Variants in PHYHIPL observed in about 807,000 individuals in gnomAD.
PHYHIPL encodes the protein phytanoyl-CoA hydroxylase-interacting protein-like.
Under a neutral mutation model 33.4 loss-of-function variants are expected in PHYHIPL, and 9 were observed. The ratio of observed to expected loss-of-function variants is 0.27; its 90% CI spans 0.16 to 0.47. The LOEUF is 0.47. PHYHIPL is among the 20% of genes least tolerant of loss of function. The pLI is 0.99. For missense variants in PHYHIPL, 365 were observed against 460.7 expected (o/e 0.79, Z 1.90); for synonymous variants, 153 against 154.1 (o/e 0.99, Z 0.05).
intron 1 of PHYHIPL, among the ~76,000 whole-genome samples, chr10:59,214,513 T>A (rs765475504): frequency 1.1e-4 from 16 of 152,186 alleles, no homozygotes; most frequent in African/African-American, 3.8e-4. Context: ...TTGGCGGTTA[T>A]GTTGATGGTG....
chr10:59,177,633 G>A (rs375918644), intron 1 of PHYHIPL: 42 of 1,551,478 alleles, frequency 2.7e-5, no homozygotes, highest in Admixed American at 5.9e-5. Flanking sequence ...GTACCATTGC[G>A]TGTTGATATT....
chr10:59,189,368 T>C (rs1838714448), intron 1 of PHYHIPL, among the ~76,000 whole-genome samples: 1 of 152,100 alleles, frequency 6.6e-6, no homozygotes, highest in Non-Finnish European at 1.5e-5. Context: ...AATTTTTATA[T>C]TTAATTTCAT....
intron 1 of PHYHIPL, among the ~76,000 whole-genome samples, chr10:59,183,015 A>G (rs1838453270): frequency 6.6e-6 from 1 of 152,300 alleles, no homozygotes; most frequent in South Asian, 2.1e-4. Context: ...TGTCCTAAGC[A>G]CTTTTCTAGA....
rs531418232 is a variant in PHYHIPL at position 59,203,601 on chromosome 10, G to A, written c.106+26642G>A. Among the ~76,000 whole-genome samples, 44 of 152,208 alleles carry A rather than the reference G, an allele frequency of 2.9e-4. No homozygotes were observed. In the East Asian group the frequency reaches 7.7e-3, roughly 27 times the overall value. On this transcript the variant is annotated intron_variant, in intron 1 of 4. Coordinates refer to ENST00000373880, the MANE Select transcript of PHYHIPL (RefSeq NM_032439.4). ...ACTATGCAGCCATAAAAAATGATGA[G>A]TTCATGTCCTTTGTAGGGACATGGA... is the stretch of plus-strand genomic sequence containing the variant.
At chr10:59,224,601 T>C (rs1183904707) in intron 1 of PHYHIPL, among the ~76,000 whole-genome samples, 1 of 152,168 alleles carries the variant, frequency 6.6e-6, no homozygotes. Flanking sequence ...ATAGAGAAGT[T>C]TTCATTGGCC....
At position 59,245,299 on chromosome 10, in the gene PHYHIPL, A is replaced by G; in HGVS notation, c.839A>G (p.Tyr280Cys). Residue 280 changes from tyrosine to cysteine, a missense_variant, in exon 5 of 5, where the codon TAT (tyrosine) becomes TGT (cysteine). By Grantham distance (194) the Tyr-to-Cys change is radical. Transcript: ENST00000373880. Reference protein sequence around the residue: ...DFYCMYTAYHYVILVIAPVGS... With the variant: ...DFYCMYTAYHCVILVIAPVGS... ...TACTGTATGTACACTGCTTATCATT[A>G]TGTGATTCTTGTTATTGCTCCTGTG... The G allele has an allele frequency of 6.2e-7, 1 of 1,614,186 alleles. No individual in the cohort carries two copies. Among genetic ancestry groups the G allele is most frequent in the Non-Finnish European group, 8.5e-7 (1 of 1,180,024 alleles).
At chr10:59,182,374 G>A (rs188770336) in intron 1 of PHYHIPL, among the ~76,000 whole-genome samples, 1 of 151,786 alleles carries the variant, frequency 6.6e-6, no homozygotes, top group South Asian at 2.1e-4. Flanking sequence ...ACGGAGTTTC[G>A]CTCTTTCACC....
At chr10:59,187,885 T>C (rs564344685) in intron 1 of PHYHIPL, among the ~76,000 whole-genome samples, 1 of 152,346 alleles carries the variant, frequency 6.6e-6, no homozygotes, top group South Asian at 2.1e-4. Context: ...GCTAGCGGTC[T>C]ATCCATTTTG....
At chr10:59,231,409 C>T (rs544978495) in intron 1 of PHYHIPL, among the ~76,000 whole-genome samples, 2 of 152,076 alleles carry the variant, frequency 1.3e-5, no homozygotes, top group East Asian at 3.9e-4. Flanking sequence ...AGAAGCTATG[C>T]AAAGCAAATA....
At chr10:59,193,060 C>T (rs1249146514) in intron 1 of PHYHIPL, among the ~76,000 whole-genome samples, 2 of 152,068 alleles carry the variant, frequency 1.3e-5, no homozygotes, top group Non-Finnish European at 2.9e-5. Context: ...AAGTGTTCTT[C>T]CTTCATCTTC....
chr10:59,231,654 T>C (rs778908517), intron 1 of PHYHIPL, among the ~76,000 whole-genome samples: 2 of 152,072 alleles, frequency 1.3e-5, no homozygotes, highest in African/African-American at 2.4e-5. Context: ...GTACTTTCAG[T>C]CCGAGACAGC....
chr10:59,206,850 T>G (rs1839296450), intron 1 of PHYHIPL: 1 of 1,131,866 alleles, frequency 8.8e-7, no homozygotes. Flanking sequence ...TAACTGTAAG[T>G]GCACTTCATC....
chr10:59,231,863 A>C (rs1840089698), intron 1 of PHYHIPL, among the ~76,000 whole-genome samples: 1 of 152,084 alleles, frequency 6.6e-6, no homozygotes, highest in African/African-American at 2.4e-5. Flanking sequence ...AATTACAGAC[A>C]ACACTTCGAT....
intron 2 of PHYHIPL, 23 bp downstream of exon 2, chr10:59,234,523 G>A: frequency 6.8e-7 from 1 of 1,472,572 alleles, no homozygotes; most frequent in Non-Finnish European, 9.0e-7. Context: ...AAATACTCAT[G>A]CTAATTTGCA....
Position 59,177,087 on chromosome 10 carries a change from G to T in PHYHIPL, c.106+128G>T, listed in dbSNP as rs1838271354. 8.0e-6 allele frequency: 6 copies of T among 752,218 alleles called. No homozygotes were observed. The Admixed American group carries it at 1.6e-4, about 20-fold the overall frequency. The allele number at this position is 752,218 out of a possible 1,614,324, so 46.6% of individuals were successfully genotyped here. On this transcript the variant is annotated intron_variant, in intron 1 of 4. Coordinates refer to ENST00000373880, the MANE Select transcript of PHYHIPL (RefSeq NM_032439.4). ...TGTTGTCCCCTCTGTGCAAATAAAT[G>T]CAGATGTGGGTTACCCTCCGCCCAC...
chr10:59,177,976 T>A (rs564189940), intron 1 of PHYHIPL, among the ~76,000 whole-genome samples: 2 of 152,304 alleles, frequency 1.3e-5, no homozygotes, highest in African/African-American at 2.4e-5. Flanking sequence ...GAGGTAATGA[T>A]TGTAAAACAT....
At chr10:59,177,780 A>G (rs765983733) in intron 1 of PHYHIPL, among the ~76,000 whole-genome samples, 4 of 152,178 alleles carry the variant, frequency 2.6e-5, no homozygotes, top group Non-Finnish European at 5.9e-5. Flanking sequence ...TAGCTGGACT[A>G]GTTAGAGTCT....
chr10:59,230,183 A>C (rs1840038806), intron 1 of PHYHIPL, among the ~76,000 whole-genome samples: 2 of 151,272 alleles, frequency 1.3e-5, no homozygotes, highest in African/African-American at 4.9e-5. Context: ...GCATCTTCCT[A>C]AATACATGAA....
chr10:59,176,138 G>A (rs1228333167), upstream of PHYHIPL, among the ~76,000 whole-genome samples: 1 of 152,242 alleles, frequency 6.6e-6, no homozygotes, highest in African/African-American at 2.4e-5. Context: ...CGAGCCCGCA[G>A]GGTGCGGGCA....
Sources: gnomAD v4.1 joint callset for allele counts (sites outside exome capture counted in the v4.1 genomes callset) on GRCh38, gnomAD v4.1.1 for gene constraint, MANE v1.5 for transcripts, NCBI Gene and HGNC (gene_info 2026-07-23, HGNC 2026-07-21) for gene names.